C20orf203: variants seen among roughly 807,000 people sequenced by gnomAD.
C20orf203 encodes chromosome 20 open reading frame 203, also known as uncharacterized protein C20orf203.
C20orf203 carries 16 observed loss-of-function variants against 15.9 expected under a neutral mutation model. That is an observed-to-expected ratio of 1.01 (90% CI 0.68 to 1.53). C20orf203 has a LOEUF of 1.53. Among genes scored for constraint, C20orf203 ranks in the 40% most tolerant of loss-of-function variants. The pLI, the probability that C20orf203 is intolerant of heterozygous loss-of-function variation, is 0.00. For synonymous variants in C20orf203, 98 were observed against 97.2 expected (o/e 1.01, Z -0.05); for missense variants, 263 against 247.5 (o/e 1.06, Z -0.42).
chr20:32,670,902 C>T (rs1052013943), intron 1 of C20orf203, among the ~76,000 whole-genome samples: 15 of 151,878 alleles, frequency 9.9e-5, no homozygotes, highest in Non-Finnish European at 1.2e-4. Context: ...AGATGACATG[C>T]AAGTGGTCAA....
Position 32,646,175 on chromosome 20 carries a change from A to ATTT in C20orf203, c.*1177+3077_*1177+3079dup, listed in dbSNP as rs555458436. ...TGAGACAGAGTCTTGCTTGATCCCA[A>ATTT]TTTTTTTTTTTTTTTTTTTTTTGAG... On this transcript the variant is annotated intron_variant, in intron 4 of 5. Coordinates refer to ENST00000608990, the MANE Select transcript of C20orf203 (RefSeq NM_182584.4). Among the ~76,000 whole-genome samples the ATTT allele has an allele frequency of 6.6e-5, 7 of 105,886 alleles. No individual in the cohort carries two copies. The East Asian group carries it at 9.8e-4, about 15-fold the overall frequency. The allele number at this position is 105,886 out of a possible 152,430, so 69.5% of individuals were successfully genotyped here.
chr20:32,641,894 G>A (rs1488073086), intron 4 of C20orf203, among the ~76,000 whole-genome samples: 1 of 152,190 alleles, frequency 6.6e-6, no homozygotes, highest in Non-Finnish European at 1.5e-5. Context: ...CAGGAGTGCA[G>A]TGACACGATC....
chr20:32,665,813 T>A (rs1360557803), intron 1 of C20orf203, among the ~76,000 whole-genome samples: 1 of 151,488 alleles, frequency 6.6e-6, no homozygotes, highest in African/African-American at 2.4e-5. Context: ...AAAAAAAAAT[T>A]TTTTTTTTAA....
Position 32,650,851 on chromosome 20 carries a change from GGGCAGT to G in C20orf203, c.160_165del (p.Thr54_Ala55del), listed in dbSNP as rs1276638362. The G allele has an allele frequency of 2.7e-6, 4 of 1,463,976 alleles. No homozygotes were observed. The highest frequency in any genetic ancestry group is 3.6e-6 in the Non-Finnish European group (4 of 1,105,774). 90.7% of individuals were successfully genotyped at this position (1,463,976 alleles called of 1,614,324 possible). A position where few individuals can be genotyped will look rare whatever the true frequency, so the allele number is the denominator to read the frequency against. On this transcript the variant is annotated inframe_deletion, in exon 4 of 6. Transcript: ENST00000608990. Reference sequence around the variant, plus strand: ...GCCCCACCGCCAAGGTCCCAGAGGTGGGCAGTGAGTCCAGCCAAGACTGATGTGGCC... The same window carrying G: ...GCCCCACCGCCAAGGTCCCAGAGGTGGAGTCCAGCCAAGACTGATGTGGCC...
chr20:32,651,133 A>G lies in C20orf203; in HGVS notation c.20T>C (p.Leu7Ser). The change falls in exon 3 of 6, where the codon TTG becomes TCG. Residue 7 changes from leucine to serine, a missense_variant. Leu to Ser is a moderately radical substitution (Grantham distance 145). Transcript: ENST00000608990. ...GAGAATCGCTTGAGCCCGGGAGTTC[A>G]AGACAGGCCTAGGAAACATAGGAGA... Reference protein sequence around the residue: MFPRPVLNSRAQAILLP... With the variant: MFPRPVSNSRAQAILLP... 1.1e-6 allele frequency: 1 copy of G among 942,130 alleles called. No homozygotes were observed. Among genetic ancestry groups the G allele is most frequent in the Non-Finnish European group, 1.6e-6 (1 of 644,146 alleles). The allele number at this position is 942,130 out of a possible 1,614,324, so 58.4% of individuals were successfully genotyped here.
At chr20:32,637,640 T>C (rs1600925050) in intron 5 of C20orf203, among the ~76,000 whole-genome samples, 1 of 152,148 alleles carries the variant, frequency 6.6e-6, no homozygotes, top group South Asian at 2.1e-4. Flanking sequence ...CTAGGGTCCG[T>C]CTCTTGGACT....
chr20:32,654,187 T>C (rs1161004589), intron 1 of C20orf203, among the ~76,000 whole-genome samples: 4 of 152,034 alleles, frequency 2.6e-5, no homozygotes, highest in African/African-American at 4.8e-5. Flanking sequence ...CAAAAATCAA[T>C]TGAGCTTCTA....
chr20:32,657,336 A>G (rs1210567979), intron 1 of C20orf203: 1 of 152,100 alleles, frequency 6.6e-6, no homozygotes, highest in African/African-American at 2.4e-5. Flanking sequence ...CTAAAAATAC[A>G]AAAATTAGCC....
At chr20:32,651,231 T>TA (rs1982617395) in intron 2 of C20orf203, 65 bp from the exon 3 acceptor site, 1 of 460,088 alleles carries the variant, frequency 2.2e-6, no homozygotes, top group African/African-American at 2.1e-5. Context: ...AGGGTTCAGC[T>TA]ACTCATGGGG....
intron 5 of C20orf203, among the ~76,000 whole-genome samples, chr20:32,638,826 G>A (rs911523623): frequency 6.6e-6 from 1 of 152,192 alleles, no homozygotes; most frequent in African/African-American, 2.4e-5. Context: ...AGAAAGGGGG[G>A]GCGGGCAGCA....
intron 1 of C20orf203, among the ~76,000 whole-genome samples, chr20:32,654,500 T>C (rs1982710017): frequency 6.6e-6 from 1 of 152,150 alleles, no homozygotes; most frequent in Admixed American, 6.5e-5. Context: ...GATCCTAAAA[T>C]TCATATGGAA....
At chr20:32,648,619 TG>T (rs1171402882) in intron 4 of C20orf203, among the ~76,000 whole-genome samples, 3 of 137,560 alleles carry the variant, frequency 2.2e-5, no homozygotes, top group African/African-American at 5.5e-5. Flanking sequence ...TTTTTTTTTT[TG>T]TGTGTGTGTT....
chr20:32,664,224 A>T (rs1323811619), intron 1 of C20orf203, among the ~76,000 whole-genome samples: 8 of 152,192 alleles, frequency 5.3e-5, no homozygotes, highest in Admixed American at 4.6e-4. Flanking sequence ...TAGGGAAGCC[A>T]ACCAAGTTCA....
intron 4 of C20orf203, among the ~76,000 whole-genome samples, chr20:32,648,411 C>T (rs1982495432): frequency 6.7e-6 from 1 of 149,248 alleles, no homozygotes; most frequent in East Asian, 2.0e-4. Flanking sequence ...ATGGCACTAA[C>T]CATTGCCTGA....
At chr20:32,654,580 T>C (rs1186746171) in intron 1 of C20orf203, among the ~76,000 whole-genome samples, 3 of 152,172 alleles carry the variant, frequency 2.0e-5, no homozygotes, top group Admixed American at 2.0e-4. Context: ...TGGTAGCTTA[T>C]GTCCGTAATC....
intron 1 of C20orf203, among the ~76,000 whole-genome samples, chr20:32,660,613 G>A (rs1353903160): frequency 6.6e-6 from 1 of 152,166 alleles, no homozygotes; most frequent in African/African-American, 2.4e-5. Flanking sequence ...GAGGTCAAGT[G>A]ACTTGTCCAA....
At chr20:32,652,207 A>T (rs1982646648) in intron 1 of C20orf203, among the ~76,000 whole-genome samples, 1 of 150,740 alleles carries the variant, frequency 6.6e-6, no homozygotes, top group Non-Finnish European at 1.5e-5. Flanking sequence ...TACTTGGGAG[A>T]CTGAGGCACG....
intron 1 of C20orf203, among the ~76,000 whole-genome samples, chr20:32,653,105 G>A (rs1982678559): frequency 6.6e-6 from 1 of 152,324 alleles, no homozygotes; most frequent in South Asian, 2.1e-4. Flanking sequence ...GCGCCCTCTG[G>A]TGGCTCCTCT....
chr20:32,639,352 C>T (rs1251374287), intron 5 of C20orf203, among the ~76,000 whole-genome samples: 1 of 152,200 alleles, frequency 6.6e-6, no homozygotes, highest in Non-Finnish European at 1.5e-5. Context: ...GCTGCCCCTC[C>T]TTGGAAGGCC....
Sources: allele counts gnomAD v4.1 joint callset (sites outside exome capture counted in the v4.1 genomes callset), GRCh38; gene constraint gnomAD v4.1.1; transcripts MANE v1.5; gene names NCBI Gene and HGNC (gene_info 2026-07-23, HGNC 2026-07-21).